SRPK2: variants seen among roughly 807,000 people sequenced by gnomAD.
SRPK2 encodes SRSF protein kinase 2.
A neutral mutation model predicts 90.8 loss-of-function variants in SRPK2; 21 were observed. That is an observed-to-expected ratio of 0.23 (90% CI 0.16 to 0.33). SRPK2 has a LOEUF of 0.33. Ranked by LOEUF, SRPK2 falls within the 10% of genes least tolerant of loss-of-function variation. SRPK2 has a pLI of 1.00. For missense variants in SRPK2, 620 were observed against 869.0 expected, an observed-to-expected ratio of 0.71 and a Z score of 3.60; for synonymous variants, 288 against 311.1, an observed-to-expected ratio of 0.93 and a Z score of 0.78.
chr7:105,139,575 A>T (rs374520077), intron 11 of SRPK2, among the ~76,000 whole-genome samples: 2 of 152,226 alleles, frequency 1.3e-5, no homozygotes, highest in Non-Finnish European at 2.9e-5. Context: ...TGGAGCTGTC[A>T]TGTAAACAAT....
At chr7:105,160,664 G>T (rs755989449) in intron 6 of SRPK2, 51 bp from the exon 7 acceptor site, 10 of 1,061,028 alleles carry the variant, frequency 9.4e-6, no homozygotes, top group Non-Finnish European at 1.5e-5. Context: ...GAGTGAGGCA[G>T]TTATTGAAAG....
intron 2 of SRPK2, among the ~76,000 whole-genome samples, chr7:105,291,982 A>C (rs1229050273): frequency 6.6e-6 from 1 of 152,154 alleles, no homozygotes; most frequent in African/African-American, 2.4e-5. Flanking sequence ...AGATGTGCCA[A>C]AGCAAAATGG....
At chr7:105,182,630 T>C (rs1221749249) in intron 3 of SRPK2, among the ~76,000 whole-genome samples, 1 of 152,198 alleles carries the variant, frequency 6.6e-6, no homozygotes, top group East Asian at 1.9e-4. Flanking sequence ...TTTTGTGTTT[T>C]TTATTTATTT....
intron 2 of SRPK2, among the ~76,000 whole-genome samples, chr7:105,214,504 T>C (rs1161313833): frequency 1.3e-5 from 2 of 152,172 alleles, no homozygotes; most frequent in Non-Finnish European, 2.9e-5. Context: ...AACAGCAATA[T>C]ATTGGGATCT....
intron 3 of SRPK2, among the ~76,000 whole-genome samples, chr7:105,181,954 C>A (rs1332771425): frequency 6.6e-6 from 1 of 150,956 alleles, no homozygotes; most frequent in South Asian, 2.1e-4. Flanking sequence ...GATGGCCAGG[C>A]GCGGGGGCTC....
At chr7:105,281,875 C>G (rs1235290392) in intron 2 of SRPK2, among the ~76,000 whole-genome samples, 1 of 152,076 alleles carries the variant, frequency 6.6e-6, no homozygotes, top group Non-Finnish European at 1.5e-5. Flanking sequence ...GTTAAGATGG[C>G]AATATTCCCC....
chr7:105,328,181 C>A lies in SRPK2; in HGVS notation c.71+60467G>T, dbSNP rs77173363. 4.2e-3 allele frequency among the ~76,000 whole-genome samples: 647 copies of A among 152,316 alleles called. 3 individuals are homozygous for A. The highest frequency in any genetic ancestry group is 0.014 in the Middle Eastern group (4 of 294). On this transcript the variant is annotated intron_variant, in intron 2 of 15. Transcript: ENST00000393651. ...GGCTCACTCCAATCAAAATCCCCAA[C>A]TGCATCCAAAATGGATCAGGGCAGG...
chr7:105,285,132 TC>T (rs1807886664), intron 2 of SRPK2, among the ~76,000 whole-genome samples: 1 of 152,110 alleles, frequency 6.6e-6, no homozygotes, highest in African/African-American at 2.4e-5. Flanking sequence ...CAGCCTGTAA[TC>T]CCAGCACTTT....
rs141696554 is a variant in SRPK2, at chr7:105,168,719, T to TACAC, written c.338+434_338+437dup. 2.6e-3 allele frequency among the ~76,000 whole-genome samples: 316 copies of TACAC among 120,370 alleles called. 6 individuals carry two copies. Among genetic ancestry groups the TACAC allele is most frequent in the East Asian group, 0.019 (85 of 4,452 alleles). 79.0% of individuals were successfully genotyped at this position (120,370 alleles called of 152,430 possible). On this transcript the variant is annotated intron_variant, in intron 4 of 15. Transcript: ENST00000393651. ...TTCTCTTTTAACACTTTTGTTTCAGTACACACACACACACACACGCACCAA... is the reference window on the plus strand; with the variant it reads ...TTCTCTTTTAACACTTTTGTTTCAGTACACACACACACACACACACACGCACCAA...
intron 2 of SRPK2, among the ~76,000 whole-genome samples, chr7:105,289,537 C>G (rs1013326727): frequency 6.6e-6 from 1 of 152,142 alleles, no homozygotes; most frequent in African/African-American, 2.4e-5. Context: ...ATCTCTTGAG[C>G]CCAGGAATTC....
Position 105,176,589 on chromosome 7 carries a change from ATGTGTGTGTG to A in SRPK2, c.230-7334_230-7325del, listed in dbSNP as rs373147650. The stretch of plus-strand genomic sequence containing the variant: ...TGTGTGTGTGTGTGTGTATGTATAT[ATGTGTGTGTG>A]TGTGTGTGTGTATACGTGTGTGTAT... On this transcript the variant is annotated intron_variant, in intron 3 of 15. Transcript: ENST00000393651. Among the ~76,000 whole-genome samples, 111 of 107,040 alleles carry A rather than the reference ATGTGTGTGTG, an allele frequency of 1.0e-3. 4 individuals are homozygous for A. In the South Asian group the frequency reaches 0.037, roughly 36 times the overall value. 70.2% of individuals were successfully genotyped at this position (107,040 alleles called of 152,430 possible).
At chr7:105,363,134 T>C (rs1818626610) in intron 2 of SRPK2, among the ~76,000 whole-genome samples, 1 of 152,076 alleles carries the variant, frequency 6.6e-6, no homozygotes, top group South Asian at 2.1e-4. Flanking sequence ...CATGTATACA[T>C]ATGTAATAAA....
chr7:105,176,705 GTGTA>G lies in SRPK2; in HGVS notation c.230-7444_230-7441del, dbSNP rs1205799115. Among the ~76,000 whole-genome samples, 4 of 36,832 alleles carry G rather than the reference GTGTA, an allele frequency of 1.1e-4. 1 individual carries two copies. Among genetic ancestry groups the G allele is most frequent in the African/African-American group, 4.0e-4 (4 of 10,028 alleles). The allele number at this position is 36,832 out of a possible 152,430, so 24.2% of individuals were successfully genotyped here. Reference sequence around the variant, plus strand: ...TGTGTGTGTGTACATATATATGTATGTGTATGTGTGTGTGTGTGTGTATGTATGT... The same window carrying G: ...TGTGTGTGTGTACATATATATGTATGTGTGTGTGTGTGTGTGTATGTATGT... On this transcript the variant is annotated intron_variant, in intron 3 of 15. Coordinates refer to ENST00000393651, the MANE Select transcript of SRPK2 (RefSeq NM_182692.3).
At position 105,127,114 on chromosome 7, in the gene SRPK2, C is replaced by T. The variant is rs1335711166; in HGVS notation, c.1753-52G>A. ...GCACTTCAGAGACTGGCCCCCAAGT[C>T]AACAGCTTTTTCTCCTTATAGAAGA... On this transcript the variant is annotated intron_variant, in intron 13 of 15. Transcript: ENST00000393651. The T allele has an allele frequency of 1.9e-6, 3 of 1,580,866 alleles. No homozygotes were observed. In the South Asian group the frequency reaches 3.3e-5, roughly 18 times the overall value.
chr7:105,280,389 T>C (rs903874693), intron 2 of SRPK2, among the ~76,000 whole-genome samples: 1 of 150,948 alleles, frequency 6.6e-6, no homozygotes, highest in Non-Finnish European at 1.5e-5. Context: ...CACCACTGCA[T>C]GCCATCCTGG....
intron 2 of SRPK2, among the ~76,000 whole-genome samples, chr7:105,371,401 A>G (rs549280658): frequency 6.6e-6 from 1 of 152,166 alleles, no homozygotes; most frequent in African/African-American, 2.4e-5. Flanking sequence ...TGTTTTGCAA[A>G]CAGGTAGTTT....
intron 13 of SRPK2, among the ~76,000 whole-genome samples, chr7:105,130,720 T>C (rs912913748): frequency 4.0e-5 from 6 of 151,544 alleles, no homozygotes; most frequent in African/African-American, 1.5e-4. Context: ...TGCTCCTAGG[T>C]TCTCTAGGAG....
intron 3 of SRPK2, among the ~76,000 whole-genome samples, chr7:105,179,652 G>A (rs371547516): frequency 6.6e-6 from 1 of 151,350 alleles, no homozygotes; most frequent in African/African-American, 2.4e-5. Context: ...TGGTGAAACC[G>A]CATCTCCACT....
chr7:105,167,278 G>T, intron 6 of SRPK2, 99 bp downstream of exon 6: 3 of 932,916 alleles, frequency 3.2e-6, no homozygotes, highest in Non-Finnish European at 3.3e-6. Context: ...GAGTGTTTAT[G>T]TTGAAGGTGA....
Sources: gnomAD v4.1 joint callset for allele counts (sites outside exome capture counted in the v4.1 genomes callset) on GRCh38, gnomAD v4.1.1 for gene constraint, MANE v1.5 for transcripts, NCBI Gene and HGNC (gene_info 2026-07-23, HGNC 2026-07-21) for gene names.